Variants in LRRC7 observed in about 807,000 individuals in gnomAD.
The protein encoded by LRRC7 is leucine rich repeat containing 7.
Under a neutral mutation model 175.7 loss-of-function variants are expected in LRRC7, and 23 were observed. That is an observed-to-expected ratio of 0.13 (90% CI 0.09 to 0.19). The LOEUF is 0.19. LRRC7 is among the 10% of genes least tolerant of loss of function. The pLI is 1.00. For missense variants in LRRC7, 1,354 were observed against 1,904.7 expected, an observed-to-expected ratio of 0.71 and a Z score of 5.38; for synonymous variants, 685 against 680.9, an observed-to-expected ratio of 1.01 and a Z score of -0.09.
At chr1:69,882,653 G>A (rs1686743571) in intron 7 of LRRC7, among the ~76,000 whole-genome samples, 1 of 143,142 alleles carries the variant, frequency 7.0e-6, no homozygotes, top group Admixed American at 7.1e-5. Context: ...TAGGGTACAT[G>A]TGCACATTGT....
At chr1:69,743,788 A>G (rs557797667) in intron 2 of LRRC7, among the ~76,000 whole-genome samples, 10 of 152,076 alleles carry the variant, frequency 6.6e-5, no homozygotes, top group Non-Finnish European at 1.0e-4. Context: ...TGAAAACAAC[A>G]GTGGCTAAGA....
intron 25 of LRRC7, among the ~76,000 whole-genome samples, chr1:70,098,169 T>C (rs1019041792): frequency 2.0e-5 from 3 of 152,220 alleles, no homozygotes; most frequent in Non-Finnish European, 2.9e-5. Flanking sequence ...TGGTGTGAGA[T>C]GGTATCTCAT....
chr1:69,856,768 C>A (rs1259111234), intron 7 of LRRC7, among the ~76,000 whole-genome samples: 1 of 152,158 alleles, frequency 6.6e-6, no homozygotes, highest in African/African-American at 2.4e-5. Context: ...TTTTATGAGG[C>A]CAGCATCATC....
chr1:70,015,977 C>A (rs1349793395), intron 13 of LRRC7, among the ~76,000 whole-genome samples: 2 of 151,976 alleles, frequency 1.3e-5, no homozygotes, highest in African/African-American at 4.8e-5. Context: ...CAGTATGTTC[C>A]ATGAAGGAAA....
chr1:70,077,093 A>G (rs906998833), intron 24 of LRRC7, among the ~76,000 whole-genome samples: 1 of 152,162 alleles, frequency 6.6e-6, no homozygotes, highest in South Asian at 2.1e-4. Context: ...TAAAAGCTTC[A>G]TTTTATTATT....
In LRRC7 at chr1:69,963,529, TGG is replaced by T. The variant is rs774399256; in HGVS notation, c.712-16848_712-16847del. ...TGGGGGCTTTGTATTCTTTGGATAA[TGG>T]GAAGACTGCTTCAAGCAGGAGTAAT... On this transcript the variant is annotated intron_variant, in intron 8 of 26. Coordinates refer to ENST00000651989, the MANE Select transcript of LRRC7 (RefSeq NM_001370785.2). 9.1e-4 allele frequency among the ~76,000 whole-genome samples: 139 copies of T among 152,180 alleles called. 1 individual carries two copies. Among genetic ancestry groups the T allele is most frequent in the Non-Finnish European group, 1.5e-3 (104 of 67,988 alleles).
chr1:69,996,592 G>C (rs1442331905), intron 11 of LRRC7, among the ~76,000 whole-genome samples: 12 of 151,796 alleles, frequency 7.9e-5, no homozygotes, highest in African/African-American at 2.9e-4. Flanking sequence ...GTAAGGAAGG[G>C]ATCCAGTTTC....
intron 1 of LRRC7, chr1:69,607,834 G>A (rs1015281349): frequency 6.6e-6 from 1 of 152,130 alleles, no homozygotes; most frequent in Non-Finnish European, 1.5e-5. Context: ...CTGAGGAATA[G>A]CAGGTATTGA....
intron 7 of LRRC7, among the ~76,000 whole-genome samples, chr1:69,860,669 G>C (rs1684267119): frequency 6.6e-6 from 1 of 151,926 alleles, no homozygotes; most frequent in Middle Eastern, 3.4e-3. Flanking sequence ...GAAAGAAACA[G>C]AAATAAATAT....
At chr1:70,095,751 TA>T in intron 25 of LRRC7, among the ~76,000 whole-genome samples, 1 of 152,324 alleles carries the variant, frequency 6.6e-6, no homozygotes, top group East Asian at 1.9e-4. Context: ...AGTATCAGTG[TA>T]AAGCTAATGA....
At chr1:70,041,160 G>C (rs568970510) in intron 21 of LRRC7, among the ~76,000 whole-genome samples, 1 of 152,112 alleles carries the variant, frequency 6.6e-6, no homozygotes, top group African/African-American at 2.4e-5. Context: ...TCACTCAATA[G>C]TTTTATTATT....
chr1:69,697,718 G>T (rs1245744040), intron 2 of LRRC7, among the ~76,000 whole-genome samples: 1 of 152,166 alleles, frequency 6.6e-6, no homozygotes, highest in East Asian at 1.9e-4. Flanking sequence ...ACAGCCCATA[G>T]CCCCATGCCC....
chr1:69,640,589 T>C (rs1419315592), intron 1 of LRRC7, among the ~76,000 whole-genome samples: 1 of 150,734 alleles, frequency 6.6e-6, no homozygotes, highest in Non-Finnish European at 1.5e-5. Context: ...AATAAATATT[T>C]TGTTATATTT....
chr1:69,733,980 G>A (rs775108054), intron 2 of LRRC7, among the ~76,000 whole-genome samples: 6 of 152,002 alleles, frequency 3.9e-5, no homozygotes, highest in Non-Finnish European at 8.8e-5. Context: ...AGTTTGAGTT[G>A]ATGAGGTGGT....
At chr1:69,971,684 C>T (rs578256187) in intron 8 of LRRC7, among the ~76,000 whole-genome samples, 18 of 152,068 alleles carry the variant, frequency 1.2e-4, no homozygotes, top group African/African-American at 4.3e-4. Context: ...ATTGTGAAAA[C>T]GACCATACTG....
At chr1:69,843,490 T>C (rs1356436273) in intron 7 of LRRC7, among the ~76,000 whole-genome samples, 1 of 152,134 alleles carries the variant, frequency 6.6e-6, no homozygotes, top group Non-Finnish European at 1.5e-5. Flanking sequence ...GCATAAATGA[T>C]ACTTTTAAAC....
chr1:69,652,449 T>C (rs1023336633), intron 1 of LRRC7, among the ~76,000 whole-genome samples: 1 of 152,110 alleles, frequency 6.6e-6, no homozygotes, highest in African/African-American at 2.4e-5. Flanking sequence ...AATTATTAAA[T>C]ATTGATAAAA....
At chr1:69,573,833 G>T (rs1314272478) in intron 1 of LRRC7, among the ~76,000 whole-genome samples, 1 of 152,226 alleles carries the variant, frequency 6.6e-6, no homozygotes, top group Non-Finnish European at 1.5e-5. Context: ...GAAAGAAATA[G>T]TAGTTGTCAG....
intron 10 of LRRC7, among the ~76,000 whole-genome samples, chr1:69,992,033 G>A (rs1654490205): frequency 6.6e-6 from 1 of 152,100 alleles, no homozygotes; most frequent in Admixed American, 6.6e-5. Context: ...TTATAGTTAG[G>A]TTACTTAGAG....
Sources: allele counts gnomAD v4.1 joint callset (sites outside exome capture counted in the v4.1 genomes callset), GRCh38; gene constraint gnomAD v4.1.1; transcripts MANE v1.5; gene names NCBI Gene and HGNC (gene_info 2026-07-23, HGNC 2026-07-21).